The following NDUFAF2 variants were observed in gnomAD, a reference collection of about 807,000 sequenced individuals.
NDUFAF2 encodes NADH dehydrogenase [ubiquinone] 1 alpha subcomplex assembly factor 2.
A neutral mutation model predicts 22.8 loss-of-function variants in NDUFAF2; 13 were observed. That is an observed-to-expected ratio of 0.57 (90% CI 0.37 to 0.91). NDUFAF2 has a LOEUF of 0.91. NDUFAF2 is among the 40% of genes least tolerant of loss of function. NDUFAF2 has a pLI of 0.01. For synonymous variants in NDUFAF2, 53 were observed against 64.2 expected, an observed-to-expected ratio of 0.83 and a Z score of 0.84; for missense variants, 162 against 195.2, an observed-to-expected ratio of 0.83 and a Z score of 1.01.
rs56936586 is a variant in NDUFAF2 at position 61,107,665 on chromosome 5, C to CTAT, written c.258+8649_258+8651dup. Among the ~76,000 whole-genome samples, 103 of 148,818 alleles carry CTAT rather than the reference C, an allele frequency of 6.9e-4. 1 individual carries two copies. The highest frequency in any genetic ancestry group is 3.5e-3 in the Admixed American group (52 of 14,962). On this transcript the variant is annotated intron_variant, in intron 3 of 3. Transcript: ENST00000296597. ...ATTTCTCTTTTTTTAATTATGATTA[C>CTAT]TATTATTATTATTATTATACTTTAA...
intron 3 of NDUFAF2, among the ~76,000 whole-genome samples, chr5:61,140,160 G>A (rs529174802): frequency 2.6e-5 from 4 of 152,364 alleles, no homozygotes; most frequent in Non-Finnish European, 4.4e-5. Context: ...GCAGGGCATC[G>A]CCAGCCAGAG....
At chr5:60,997,398 A>G (rs767989344) in intron 1 of NDUFAF2, among the ~76,000 whole-genome samples, 10 of 152,212 alleles carry the variant, frequency 6.6e-5, no homozygotes, top group Non-Finnish European at 1.5e-4. Context: ...TAAAAATAAT[A>G]AGTTAGCTAG....
intron 3 of NDUFAF2, among the ~76,000 whole-genome samples, chr5:61,133,676 A>C (rs1561135865): frequency 6.6e-6 from 1 of 152,222 alleles, no homozygotes; most frequent in Non-Finnish European, 1.5e-5. Context: ...GCACTATACA[A>C]AGTCAGATTA....
intron 1 of NDUFAF2, among the ~76,000 whole-genome samples, chr5:60,982,689 G>A (rs535040716): frequency 1.3e-5 from 2 of 151,708 alleles, no homozygotes; most frequent in East Asian, 3.9e-4. Context: ...TGAGAATGAT[G>A]GTTTCCAGCT....
intron 2 of NDUFAF2, among the ~76,000 whole-genome samples, chr5:61,095,119 G>A (rs1253474936): frequency 6.6e-6 from 1 of 152,166 alleles, no homozygotes; most frequent in Non-Finnish European, 1.5e-5. Flanking sequence ...TGGGAGCTCT[G>A]TCTCAGGAAG....
chr5:61,149,250 C>T (rs1003461236), intron 3 of NDUFAF2, among the ~76,000 whole-genome samples: 9 of 152,292 alleles, frequency 5.9e-5, no homozygotes, highest in African/African-American at 1.7e-4. Flanking sequence ...GGATTACAGT[C>T]GTGAGCCACC....
At chr5:61,031,512 T>TA (rs1187722793) in intron 1 of NDUFAF2, among the ~76,000 whole-genome samples, 4 of 114,162 alleles carry the variant, frequency 3.5e-5, no homozygotes, top group African/African-American at 1.1e-4. Flanking sequence ...TGCATAGTAT[T>TA]CCATGGTATA....
intron 1 of NDUFAF2, among the ~76,000 whole-genome samples, chr5:60,999,122 A>G (rs141640427): frequency 1.3e-5 from 2 of 152,146 alleles, no homozygotes; most frequent in African/African-American, 4.8e-5. Flanking sequence ...GTTCTCAAAT[A>G]CGTTTTCCAC....
At chr5:60,967,317 C>T (rs894879379) in intron 1 of NDUFAF2, among the ~76,000 whole-genome samples, 6 of 151,786 alleles carry the variant, frequency 4.0e-5, no homozygotes, top group Non-Finnish European at 5.9e-5. Flanking sequence ...CTTTCTGATT[C>T]AGATGTCTTT....
At chr5:61,110,422 G>A (rs770729123) in intron 3 of NDUFAF2, among the ~76,000 whole-genome samples, 1 of 151,980 alleles carries the variant, frequency 6.6e-6, no homozygotes, top group African/African-American at 2.4e-5. Flanking sequence ...TTCTTAAAAC[G>A]TTTGGTAAAG....
At chr5:61,032,910 A>G (rs1304088783) in intron 1 of NDUFAF2, among the ~76,000 whole-genome samples, 3 of 152,078 alleles carry the variant, frequency 2.0e-5, no homozygotes, top group Non-Finnish European at 4.4e-5. Context: ...TGGCTGAACT[A>G]ATTTACGCTC....
intron 1 of NDUFAF2, among the ~76,000 whole-genome samples, chr5:60,993,096 A>T (rs1483611713): frequency 6.6e-6 from 1 of 152,210 alleles, no homozygotes; most frequent in Non-Finnish European, 1.5e-5. Context: ...TATGTGAGCT[A>T]GTGAGTGTGA....
intron 1 of NDUFAF2, among the ~76,000 whole-genome samples, chr5:60,995,135 G>C (rs1229166538): frequency 6.6e-6 from 1 of 152,062 alleles, no homozygotes; most frequent in Non-Finnish European, 1.5e-5. Context: ...CAGCAATTTT[G>C]AATTCTTCGT....
chr5:60,961,289 A>G (rs1046078175), intron 1 of NDUFAF2, among the ~76,000 whole-genome samples: 4 of 149,790 alleles, frequency 2.7e-5, no homozygotes, highest in South Asian at 4.2e-4. Flanking sequence ...GTGAAACCCT[A>G]TCTCTATTAA....
chr5:61,134,930 CA>C (rs1292803177), intron 3 of NDUFAF2, among the ~76,000 whole-genome samples: 1 of 151,536 alleles, frequency 6.6e-6, no homozygotes, highest in Non-Finnish European at 1.5e-5. Flanking sequence ...ATTCCAAGGA[CA>C]AAAAGAAAGG....
intron 1 of NDUFAF2, among the ~76,000 whole-genome samples, chr5:60,957,523 G>C (rs1750632991): frequency 6.7e-6 from 1 of 148,452 alleles, no homozygotes; most frequent in African/African-American, 2.5e-5. Flanking sequence ...AACAGTTTAT[G>C]TCTCTATAGA....
intron 1 of NDUFAF2, among the ~76,000 whole-genome samples, chr5:61,029,219 G>A (rs537437357): frequency 6.6e-6 from 1 of 152,216 alleles, no homozygotes; most frequent in South Asian, 2.1e-4. Flanking sequence ...ATGTATGGGG[G>A]CAGGTGATAT....
At chr5:61,082,950 A>C (rs1247491411) in intron 2 of NDUFAF2, among the ~76,000 whole-genome samples, 4 of 152,172 alleles carry the variant, frequency 2.6e-5, no homozygotes, top group Non-Finnish European at 2.9e-5. Context: ...GAGAATCGCC[A>C]AACTGCTTTC....
At chr5:61,119,458 A>G (rs1752951208) in intron 3 of NDUFAF2, among the ~76,000 whole-genome samples, 1 of 152,128 alleles carries the variant, frequency 6.6e-6, no homozygotes, top group South Asian at 2.1e-4. Flanking sequence ...ACATTCATAT[A>G]TTGTTTTCAG....
Sources: allele counts gnomAD v4.1 joint callset (sites outside exome capture counted in the v4.1 genomes callset), GRCh38; gene constraint gnomAD v4.1.1; transcripts MANE v1.5; gene names NCBI Gene and HGNC (gene_info 2026-07-23, HGNC 2026-07-21).